Variants in FUT8 observed in about 807,000 individuals in gnomAD.
The protein encoded by FUT8 is alpha-(1,6)-fucosyltransferase.
In FUT8, 29 loss-of-function variants were observed where a neutral mutation model predicts 71.3. That is an observed-to-expected ratio of 0.41 (90% CI 0.30 to 0.55). The LOEUF (loss-of-function observed/expected upper bound fraction) is 0.55, where lower values mean the gene tolerates loss of function less well. Ranked by LOEUF, FUT8 falls within the 20% of genes least tolerant of loss-of-function variation. The pLI, the probability that FUT8 is intolerant of heterozygous loss-of-function variation, is 0.34. For synonymous variants in FUT8, 254 were observed against 239.3 expected (o/e 1.06, Z -0.57); for missense variants, 544 against 702.1 (o/e 0.77, Z 2.55).
At chr14:65,381,030 C>A in the FUT8 span, among the ~76,000 whole-genome samples, 1 of 152,232 alleles carries the variant, frequency 6.6e-6, no homozygotes, top group Non-Finnish European at 1.5e-5. Flanking sequence ...AGAGGTGGCA[C>A]AGTCCTAGCC....
chr14:65,388,873 G>A, the FUT8 span, among the ~76,000 whole-genome samples: 3 of 152,000 alleles, frequency 2.0e-5, no homozygotes, highest in South Asian at 2.1e-4. Context: ...AGTGGTATGC[G>A]TTAATATGGA....
Position 65,547,693 on chromosome 14 carries a change from A to G in FUT8, c.-227-13644A>G, listed in dbSNP as rs55723633. 8.0e-3 allele frequency among the ~76,000 whole-genome samples: 1,222 copies of G among 151,892 alleles called. 9 individuals are homozygous for G. The highest frequency in any genetic ancestry group is 0.024 in the African/African-American group (1,017 of 41,532). On this transcript the variant is annotated intron_variant, in intron 2 of 10. Transcript: ENST00000673929. ...CTTTCCATTTTTTTGTTTTCCAAAAATATACTTATTTTGCATTTATTTTTT... is the reference window on the plus strand; with the variant it reads ...CTTTCCATTTTTTTGTTTTCCAAAAGTATACTTATTTTGCATTTATTTTTT...
intron 2 of FUT8, among the ~76,000 whole-genome samples, chr14:65,480,840 C>T (rs2066320062): frequency 6.6e-6 from 1 of 151,986 alleles, no homozygotes; most frequent in African/African-American, 2.4e-5. Context: ...GCGTGTACCA[C>T]CACACTGGCT....
chr14:65,703,076 C>T (rs755188962), intron 7 of FUT8, among the ~76,000 whole-genome samples: 3 of 152,120 alleles, frequency 2.0e-5, no homozygotes, highest in Non-Finnish European at 4.4e-5. Flanking sequence ...ACCTTCTAGG[C>T]GAGGAAGTGG....
intron 7 of FUT8, among the ~76,000 whole-genome samples, chr14:65,683,097 T>G (rs1475670989): frequency 6.6e-6 from 1 of 150,932 alleles, no homozygotes. Context: ...CACTGCAACC[T>G]CCACCTCCCA....
intron 7 of FUT8, among the ~76,000 whole-genome samples, chr14:65,716,019 G>T (rs1895039956): frequency 6.6e-6 from 1 of 151,600 alleles, no homozygotes; most frequent in Non-Finnish European, 1.5e-5. Context: ...TTTCGTGAAT[G>T]TTTTAAGACT....
At chr14:65,712,792 A>C (rs1364359278) in intron 7 of FUT8, among the ~76,000 whole-genome samples, 1 of 152,154 alleles carries the variant, frequency 6.6e-6, no homozygotes, top group Non-Finnish European at 1.5e-5. Context: ...CTGTGGGTAC[A>C]TAGTAGGTAT....
intron 9 of FUT8, among the ~76,000 whole-genome samples, chr14:65,730,795 T>C (rs936257153): frequency 6.6e-6 from 1 of 152,234 alleles, no homozygotes; most frequent in African/African-American, 2.4e-5. Flanking sequence ...CACAGAATCA[T>C]TGACAGTCAA....
chr14:65,523,890 T>C (rs903099983), intron 2 of FUT8, among the ~76,000 whole-genome samples: 2 of 152,156 alleles, frequency 1.3e-5, no homozygotes, highest in African/African-American at 4.8e-5. Flanking sequence ...TGTAGATGTG[T>C]GGTATTATTT....
chr14:65,700,325 A>G (rs1894216616), intron 7 of FUT8, among the ~76,000 whole-genome samples: 1 of 132,654 alleles, frequency 7.5e-6, no homozygotes, highest in Non-Finnish European at 1.6e-5. Context: ...AATTTTACAT[A>G]TTGTATAAAA....
chr14:65,652,200 G>A lies in FUT8; in HGVS notation c.598-17043G>A, dbSNP rs931772712. 1.3e-5 allele frequency among the ~76,000 whole-genome samples: 2 copies of A among 152,174 alleles called. No homozygotes were observed. The highest frequency in any genetic ancestry group is 4.8e-5 in the African/African-American group (2 of 41,436). On this transcript the variant is annotated intron_variant, in intron 6 of 10. Transcript: ENST00000673929. The surrounding 1 kb of genome is among the most constrained non-coding windows in gnomAD (Gnocchi z 4.0). Reference sequence around the variant, plus strand: ...GATCTGCCAAGAAACCAAAAGACAGGATGAGAATCAACACTTTGTAAGAGC... The same window carrying A: ...GATCTGCCAAGAAACCAAAAGACAGAATGAGAATCAACACTTTGTAAGAGC...
intron 1 of FUT8, among the ~76,000 whole-genome samples, chr14:65,432,838 C>A (rs896247168): frequency 2.0e-5 from 3 of 152,132 alleles, no homozygotes; most frequent in African/African-American, 7.2e-5. Flanking sequence ...AAATAATCCA[C>A]CCCTTATTTA....
rs147062078 is a variant in FUT8, at chr14:65,668,907, C to T, written c.598-336C>T. On this transcript the variant is annotated intron_variant, in intron 6 of 10. Transcript: ENST00000673929. Reference sequence around the variant, plus strand: ...ACATGGATGGAGCTGGAGGCCATTACCCTAAGCAAACTAATGCAGGAACAG... The same window carrying T: ...ACATGGATGGAGCTGGAGGCCATTATCCTAAGCAAACTAATGCAGGAACAG... 2.0e-3 allele frequency among the ~76,000 whole-genome samples: 306 copies of T among 152,154 alleles called. 1 individual carries two copies. The highest frequency in any genetic ancestry group is 0.014 in the Middle Eastern group (4 of 294).
intron 2 of FUT8, among the ~76,000 whole-genome samples, chr14:65,530,683 A>G (rs1883886197): frequency 6.6e-6 from 1 of 152,004 alleles, no homozygotes. Context: ...TGATGCGTTA[A>G]ATTAAAGTTG....
intron 3 of FUT8, among the ~76,000 whole-genome samples, chr14:65,567,623 A>G (rs1886265123): frequency 6.6e-6 from 1 of 151,934 alleles, no homozygotes; most frequent in Non-Finnish European, 1.5e-5. Context: ...ATAACCTTTC[A>G]TGATATCTGC....
chr14:65,542,402 A>G (rs1330381363), intron 2 of FUT8, among the ~76,000 whole-genome samples: 1 of 152,152 alleles, frequency 6.6e-6, no homozygotes, highest in African/African-American at 2.4e-5. Flanking sequence ...CACCTAACAT[A>G]TTATGTGTAT....
intron 9 of FUT8, among the ~76,000 whole-genome samples, chr14:65,732,636 T>A (rs116767660): frequency 0.01 from 1,588 of 152,296 alleles, 29 homozygotes; most frequent in African/African-American, 0.037. Flanking sequence ...TCCATAAATA[T>A]TAGAATGGGC....
At chr14:65,549,702 G>C (rs530589961) in intron 2 of FUT8, among the ~76,000 whole-genome samples, 1 of 152,078 alleles carries the variant, frequency 6.6e-6, no homozygotes, top group Non-Finnish European at 1.5e-5. Flanking sequence ...TCATTTGAAC[G>C]GTTTTTTGTT....
the FUT8 span, among the ~76,000 whole-genome samples, chr14:65,365,219 C>T: frequency 6.6e-6 from 1 of 152,094 alleles, no homozygotes; most frequent in Non-Finnish European, 1.5e-5. Flanking sequence ...TTTGTAACTT[C>T]ATTAAATACT....
Sources: gnomAD v4.1 joint callset for allele counts (sites outside exome capture counted in the v4.1 genomes callset) on GRCh38, gnomAD v4.1.1 for gene constraint, Gnocchi (gnomAD v3.1) non-coding constraint, MANE v1.5 for transcripts, NCBI Gene and HGNC (gene_info 2026-07-23, HGNC 2026-07-21) for gene names.